The following ITGA9 variants were observed in gnomAD, a reference collection of about 807,000 sequenced individuals.
ITGA9 encodes integrin subunit alpha 9, also known as integrin alpha-9.
ITGA9 carries 56 observed loss-of-function variants against 127.8 expected under a neutral mutation model. That is an observed-to-expected ratio of 0.44 (90% CI 0.35 to 0.55). ITGA9 has a LOEUF of 0.55. ITGA9 is among the 20% of genes least tolerant of loss of function. ITGA9 has a pLI of 0.00. For synonymous variants in ITGA9, 508 were observed against 514.5 expected, an observed-to-expected ratio of 0.99 and a Z score of 0.17; for missense variants, 1,196 against 1,347.1, an observed-to-expected ratio of 0.89 and a Z score of 1.76.
rs183681778 is a variant in ITGA9, at chr3:37,503,875, A to G, written c.742+568A>G. 2.4e-4 allele frequency among the ~76,000 whole-genome samples: 37 copies of G among 152,372 alleles called. 2 individuals carry two copies. The East Asian group carries it at 6.7e-3, about 28-fold the overall frequency. On this transcript the variant is annotated intron_variant, in intron 6 of 27. Transcript: ENST00000264741. Reference sequence around the variant, plus strand: ...ATGACACTGGGACAAGGTCCATGCCAATTTAAGAACAGACATAGGCTGTCT... The same window carrying G: ...ATGACACTGGGACAAGGTCCATGCCGATTTAAGAACAGACATAGGCTGTCT...
chr3:37,797,500 A>G (rs72862213), intron 26 of ITGA9, among the ~76,000 whole-genome samples: 24,732 of 152,192 alleles, frequency 0.16, 3,964 homozygotes, highest in African/African-American at 0.42. Flanking sequence ...TGCTGAAAAC[A>G]GGAGTAAGGC....
chr3:37,793,212 C>T (rs1697132253), intron 26 of ITGA9, among the ~76,000 whole-genome samples: 1 of 151,958 alleles, frequency 6.6e-6, no homozygotes, highest in South Asian at 2.1e-4. Context: ...CTCTTGGTGG[C>T]TTCCATACCC....
At chr3:37,731,311 G>A (rs370428878) in intron 18 of ITGA9, among the ~76,000 whole-genome samples, 2 of 151,990 alleles carry the variant, frequency 1.3e-5, no homozygotes, top group African/African-American at 2.4e-5. Flanking sequence ...TCCGCCTCCC[G>A]GGTTCACGCC....
chr3:37,729,741 G>A (rs9813108), intron 18 of ITGA9, among the ~76,000 whole-genome samples: 62,306 of 131,844 alleles, frequency 0.47, 14,141 homozygotes, highest in South Asian at 0.59. Flanking sequence ...GTCTTGCTCT[G>A]TCACCAGGCT....
intron 6 of ITGA9, among the ~76,000 whole-genome samples, chr3:37,504,183 CTCTG>C (rs1385081621): frequency 6.6e-6 from 1 of 152,140 alleles, no homozygotes; most frequent in African/African-American, 2.4e-5. Flanking sequence ...AATCCTTCTA[CTCTG>C]GGGTGTTTGC....
chr3:37,728,789 G>A (rs995218235), intron 18 of ITGA9, among the ~76,000 whole-genome samples: 2 of 151,660 alleles, frequency 1.3e-5, no homozygotes, highest in African/African-American at 4.9e-5. Flanking sequence ...TATTATCTGA[G>A]TTCAGGTTCA....
intron 14 of ITGA9, among the ~76,000 whole-genome samples, 190 bp from the exon 15 acceptor site, chr3:37,542,235 C>G (rs1344052876): frequency 6.6e-6 from 1 of 152,168 alleles, no homozygotes; most frequent in Admixed American, 6.5e-5. Context: ...TCATGCTTCT[C>G]TCTCGATTCT....
chr3:37,770,901 A>G (rs1696834680), intron 23 of ITGA9, among the ~76,000 whole-genome samples: 1 of 152,186 alleles, frequency 6.6e-6, no homozygotes, highest in African/African-American at 2.4e-5. Flanking sequence ...TCATGGTTTC[A>G]GTTTGCACAA....
intron 15 of ITGA9, among the ~76,000 whole-genome samples, chr3:37,613,710 G>A (rs1239508656): frequency 6.6e-6 from 1 of 152,156 alleles, no homozygotes; most frequent in Non-Finnish European, 1.5e-5. Context: ...TTCTCTGATG[G>A]CCACTGATGA....
intron 3 of ITGA9, among the ~76,000 whole-genome samples, chr3:37,478,743 C>T (rs910952130): frequency 2.0e-5 from 3 of 152,212 alleles, no homozygotes; most frequent in African/African-American, 7.2e-5. Context: ...ACAGTCTTCT[C>T]TTTCTGTAAT....
intron 23 of ITGA9, among the ~76,000 whole-genome samples, chr3:37,762,463 A>T (rs1696733822): frequency 6.6e-6 from 1 of 152,194 alleles, no homozygotes; most frequent in Admixed American, 6.5e-5. Context: ...CTTGGCTAGC[A>T]AAGGTGGCAT....
Position 37,713,590 on chromosome 3 carries a change from AG to A in ITGA9, c.2068-19117del, listed in dbSNP as rs569043580. Among the ~76,000 whole-genome samples, 26 of 152,266 alleles carry A rather than the reference AG, an allele frequency of 1.7e-4. No homozygotes were observed. In the South Asian group the frequency reaches 4.8e-3, roughly 28 times the overall value. On this transcript the variant is annotated intron_variant, in intron 18 of 27. Transcript: ENST00000264741. ...GGAACTGAGCTGGTTGGAGCTGGGG[AG>A]GGGGTGCGGGAGGTACTTTCAGCAC...
At chr3:37,758,329 C>CAAAAAAAAAAAAAAAAAAAAAAAAAAA in intron 23 of ITGA9, among the ~76,000 whole-genome samples, 1 of 65,990 alleles carries the variant, frequency 1.5e-5, no homozygotes, top group African/African-American at 6.6e-5. Flanking sequence ...GACTCCGTCT[C>CAAAAAAAAAAAAAAAAAAAAAAAAAAA]AAAAAAAAAA....
At chr3:37,631,533 G>A (rs1407490419) in intron 16 of ITGA9, among the ~76,000 whole-genome samples, 2 of 152,150 alleles carry the variant, frequency 1.3e-5, no homozygotes, top group East Asian at 1.9e-4. Flanking sequence ...TGAGTAGATC[G>A]GAACAGGGAG....
chr3:37,626,508 T>G (rs756441017), intron 15 of ITGA9, among the ~76,000 whole-genome samples: 2 of 151,922 alleles, frequency 1.3e-5, no homozygotes, highest in African/African-American at 4.8e-5. Flanking sequence ...AAATAAAAAA[T>G]AAATAAAAGA....
chr3:37,453,461 G>A (rs555796173), intron 1 of ITGA9, among the ~76,000 whole-genome samples: 2 of 152,200 alleles, frequency 1.3e-5, no homozygotes, highest in African/African-American at 2.4e-5. Context: ...AAGCACTAAG[G>A]GGGGGTTGGT....
intron 23 of ITGA9, among the ~76,000 whole-genome samples, chr3:37,758,051 C>T (rs1320940258): frequency 2.6e-5 from 4 of 151,528 alleles, no homozygotes; most frequent in South Asian, 2.1e-4. Flanking sequence ...GGGCCGGGCG[C>T]GGTGGCTCAC....
chr3:37,637,114 G>A (rs1276068087), intron 16 of ITGA9, among the ~76,000 whole-genome samples: 10 of 152,190 alleles, frequency 6.6e-5, no homozygotes, highest in Admixed American at 2.0e-4. Context: ...TTGGCGATGC[G>A]GGCTCTTTTT....
intron 20 of ITGA9, among the ~76,000 whole-genome samples, chr3:37,739,474 C>A (rs1248567533): frequency 6.6e-6 from 1 of 152,288 alleles, no homozygotes; most frequent in African/African-American, 2.4e-5. Flanking sequence ...CCTTAAAGCT[C>A]CTTATCTTGA....
Sources: gnomAD v4.1 joint callset for allele counts (sites outside exome capture counted in the v4.1 genomes callset) on GRCh38, gnomAD v4.1.1 for gene constraint, MANE v1.5 for transcripts, NCBI Gene and HGNC (gene_info 2026-07-23, HGNC 2026-07-21) for gene names.